The following CASP10 variants were observed in gnomAD, a reference collection of about 807,000 sequenced individuals.
CASP10 encodes the protein caspase 10, also known as caspase-10.
In CASP10, 41 loss-of-function variants were observed where a neutral mutation model predicts 48.5. The ratio of observed to expected loss-of-function variants is 0.85; its 90% confidence interval spans 0.66 to 1.10. The LOEUF (loss-of-function observed/expected upper bound fraction) is 1.10. Ranked by LOEUF, CASP10 falls within the 50% of genes least tolerant of loss-of-function variation. The pLI is 0.00. For synonymous variants in CASP10, 232 were observed against 238.4 expected, an observed-to-expected ratio of 0.97 and a Z score of 0.25; for missense variants, 614 against 614.5, an observed-to-expected ratio of 1.00 and a Z score of 0.01.
chr2:201,221,258 C>T lies in CASP10; in HGVS notation c.*3517C>T. On this transcript the variant is annotated 3_prime_UTR_variant, in exon 10 of 10. Transcript: ENST00000286186. ...TGTCTACCGCAGCAGAAGGCCAGCT[C>T]TTGACTCTGAGTTCAGTTGGACAAA... The T allele has an allele frequency of 5.1e-6, 5 of 985,746 alleles. No homozygotes were observed. Among genetic ancestry groups the T allele is most frequent in the Non-Finnish European group, 6.0e-6 (5 of 830,148 alleles). 61.1% of individuals were successfully genotyped at this position (985,746 alleles called of 1,614,324 possible).
Position 201,221,426 on chromosome 2 carries a change from C to A in CASP10, c.*3685C>A, listed in dbSNP as rs1945716982. ...TGAAAATGGCCTGTTCCTGCCTTAA[C>A]TGATGACATTACCTTGTGAAATTCC... On this transcript the variant is annotated 3_prime_UTR_variant, in exon 10 of 10. Transcript: ENST00000286186. 6.7e-6 allele frequency: 2 copies of A among 299,594 alleles called. No individual in the cohort carries two copies. Among genetic ancestry groups the A allele is most frequent in the South Asian group, 1.3e-4 (1 of 7,652 alleles). The allele number at this position is 299,594 out of a possible 1,614,324, so 18.6% of individuals were successfully genotyped here. A position where few individuals can be genotyped will look rare whatever the true frequency, so the allele number is the denominator to read the frequency against.
chr2:201,209,708 T>C, intron 9 of CASP10, 146 bp downstream of exon 9: 2 of 767,422 alleles, frequency 2.6e-6, no homozygotes, highest in Non-Finnish European at 4.0e-6. Context: ...CCCTCCTGTT[T>C]ATCTATTTAT....
Position 201,217,899 on chromosome 2 carries a change from G to A in CASP10, c.*158G>A, listed in dbSNP as rs1945625241. 6.5e-7 allele frequency: 1 copy of A among 1,548,340 alleles called. No homozygotes were observed. Among genetic ancestry groups the A allele is most frequent in the African/African-American group, 1.4e-5 (1 of 72,036 alleles). ...TCAATTCTGATTTTCTTTTTCTTTTGCAAGTCTAAATGTTAGAAAACTTTC... is the reference window on the plus strand; with the variant it reads ...TCAATTCTGATTTTCTTTTTCTTTTACAAGTCTAAATGTTAGAAAACTTTC... On this transcript the variant is annotated 3_prime_UTR_variant, in exon 10 of 10. Coordinates refer to ENST00000286186, the MANE Select transcript of CASP10 (RefSeq NM_032977.4).
chr2:201,209,595 T>C, intron 9 of CASP10, 33 bp downstream of exon 9: 1 of 1,579,258 alleles, frequency 6.3e-7, no homozygotes, highest in Non-Finnish European at 8.6e-7. Flanking sequence ...CATTTGTAAT[T>C]AATTAGTTTT....
intron 9 of CASP10, chr2:201,212,731 G>T (rs1945439610): frequency 6.6e-6 from 1 of 152,128 alleles, no homozygotes; most frequent in Non-Finnish European, 1.5e-5. Flanking sequence ...AAATAAGTAG[G>T]TATTTGAAAA....
intron 5 of CASP10, among the ~76,000 whole-genome samples, chr2:201,196,961 C>T (rs1322744829): frequency 1.3e-5 from 2 of 152,060 alleles, no homozygotes; most frequent in East Asian, 3.8e-4. Flanking sequence ...TAGCTTATTT[C>T]ACTTAGTGTA....
At chr2:201,199,786 G>GCTGGT (rs1944947615) in intron 5 of CASP10, among the ~76,000 whole-genome samples, 1 of 151,934 alleles carries the variant, frequency 6.6e-6, no homozygotes, top group Admixed American at 6.6e-5. Context: ...TGTTGGCCAG[G>GCTGGT]CTGGTCTCGT....
downstream of CASP10, among the ~76,000 whole-genome samples, chr2:201,225,484 A>G (rs911492936): frequency 3.9e-5 from 6 of 152,126 alleles, no homozygotes; most frequent in African/African-American, 1.4e-4. Context: ...CCCTGGTTAT[A>G]TCACCCTTTT....
Position 201,217,600 on chromosome 2 carries a change from C to T in CASP10, c.1428C>T (p.Ile476=). ...LKKLVPRHED[I]LSILTAVNDD... ...TTCTTTGTTGCAGACATGAAGACAT[C>T]TTATCCATCCTCACTGCTGTCAACG... is the stretch of plus-strand genomic sequence containing the variant. Residue 476 remains isoleucine (I), a synonymous_variant, in exon 10 of 10, where the codon ATC becomes ATT. Coordinates refer to ENST00000286186, the MANE Select transcript of CASP10 (RefSeq NM_032977.4). 6.2e-7 allele frequency: 1 copy of T among 1,613,742 alleles called. No homozygotes were observed. Among genetic ancestry groups the T allele is most frequent in the Non-Finnish European group, 8.5e-7 (1 of 1,179,636 alleles).
rs1295465868 is a variant in CASP10, at chr2:201,219,023, A to G, written c.*1282A>G. On this transcript the variant is annotated 3_prime_UTR_variant, in exon 10 of 10. Transcript: ENST00000286186. ...GGTGACTCATGCCTGTAATCCCAGT[A>G]CTCTGGGAAGCCAAGGCAGGCAGAT... is the stretch of plus-strand genomic sequence containing the variant. 1 of 968,988 alleles carries G rather than the reference A, an allele frequency of 1.0e-6. No individual in the cohort carries two copies. The highest frequency in any genetic ancestry group is 1.2e-6 in the Non-Finnish European group (1 of 815,022). 60.0% of individuals were successfully genotyped at this position (968,988 alleles called of 1,614,324 possible). A position where few individuals can be genotyped will look rare whatever the true frequency, so the allele number is the denominator to read the frequency against.
chr2:201,191,368 T>A (rs978461270), intron 3 of CASP10, among the ~76,000 whole-genome samples: 1 of 152,124 alleles, frequency 6.6e-6, no homozygotes, highest in African/African-American at 2.4e-5. Context: ...CTCTTTGGAT[T>A]CCAAATGATC....
chr2:201,185,328 A>G (rs1944377424), intron 1 of CASP10, among the ~76,000 whole-genome samples: 3 of 152,162 alleles, frequency 2.0e-5, no homozygotes, highest in Admixed American at 2.0e-4. Context: ...TTGGGTTGAT[A>G]GATCATAAGG....
chr2:201,227,041 A>C (rs1945796107), intron 9 of CASP10, among the ~76,000 whole-genome samples: 1 of 152,094 alleles, frequency 6.6e-6, no homozygotes, highest in African/African-American at 2.4e-5. Flanking sequence ...GGTGATGAGA[A>C]GTTTAGAGTA....
chr2:201,204,842 C>G (rs1247698448), intron 6 of CASP10, among the ~76,000 whole-genome samples: 1 of 152,166 alleles, frequency 6.6e-6, no homozygotes, highest in East Asian at 1.9e-4. Context: ...TACCTTCTCT[C>G]ATGGTGAGGA....
intron 9 of CASP10, among the ~76,000 whole-genome samples, chr2:201,211,725 T>C (rs6435068): frequency 0.12 from 18,889 of 152,188 alleles, 2,519 homozygotes; most frequent in African/African-American, 0.34. Context: ...TTTTCTTTGT[T>C]TATATACTTA....
At chr2:201,208,218 T>G (rs756914853) in intron 8 of CASP10, 35 bp downstream of exon 8, 8 of 1,589,460 alleles carry the variant, frequency 5.0e-6, no homozygotes, top group Non-Finnish European at 6.8e-6. Context: ...CAAATGCAAA[T>G]TGGGGATCTT....
rs143634876 is a variant in CASP10, at chr2:201,199,784, A to G, written c.684+3836A>G. Among the ~76,000 whole-genome samples the G allele has an allele frequency of 8.1e-4, 124 of 152,168 alleles. 2 individuals are homozygous for G. The East Asian group carries it at 0.023, about 28-fold the overall frequency. ...GAGATGGCATTTCACCATGTTGGCC[A>G]GGCTGGTCTCGTACTCCTGACCTAA... On this transcript the variant is annotated intron_variant, in intron 5 of 9. Transcript: ENST00000286186.
chr2:201,185,043 G>A (rs1944365290), intron 1 of CASP10, among the ~76,000 whole-genome samples: 1 of 152,098 alleles, frequency 6.6e-6, no homozygotes, highest in Non-Finnish European at 1.5e-5. Context: ...CCAGGGTGAA[G>A]TGCAGTGGCA....
chr2:201,201,216 A>AT (rs1054488496), intron 5 of CASP10, among the ~76,000 whole-genome samples: 3 of 151,242 alleles, frequency 2.0e-5, no homozygotes, highest in African/African-American at 4.9e-5. Context: ...TGCCTGGCTA[A>AT]TTTTTTTTGT....
Sources: allele counts gnomAD v4.1 joint callset (sites outside exome capture counted in the v4.1 genomes callset), GRCh38; gene constraint gnomAD v4.1.1; transcripts MANE v1.5; gene names NCBI Gene and HGNC (gene_info 2026-07-23, HGNC 2026-07-21).